CLVS1: variants seen among roughly 807,000 people sequenced by gnomAD.
CLVS1 encodes clavesin 1.
In CLVS1, 10 loss-of-function variants were observed where a neutral mutation model predicts 33.1. The ratio of observed to expected loss-of-function variants is 0.30; its 90% CI spans 0.19 to 0.51. The LOEUF is 0.51. Among genes scored for constraint, CLVS1 ranks in the 20% least tolerant of loss-of-function variants. The pLI is 0.97. For missense variants in CLVS1, 343 were observed against 433.4 expected, an observed-to-expected ratio of 0.79 and a Z score of 1.85; for synonymous variants, 163 against 166.1, an observed-to-expected ratio of 0.98 and a Z score of 0.14.
At chr8:61,250,729 G>T (rs973481224) in intron 2 of CLVS1, among the ~76,000 whole-genome samples, 2 of 152,106 alleles carry the variant, frequency 1.3e-5, no homozygotes, top group African/African-American at 4.8e-5. Flanking sequence ...GTCTGTTATT[G>T]GTGTAAAGGA....
chr8:61,484,081 A>G (rs1586043149), intron 5 of CLVS1, among the ~76,000 whole-genome samples: 1 of 152,200 alleles, frequency 6.6e-6, no homozygotes, highest in African/African-American at 2.4e-5. Context: ...TACTGTTGGA[A>G]GTTCTGGCCA....
intron 2 of CLVS1, among the ~76,000 whole-genome samples, chr8:61,152,952 C>T (rs573846985): frequency 1.4e-4 from 22 of 152,092 alleles, no homozygotes; most frequent in African/African-American, 5.1e-4. Flanking sequence ...GGCGGATAAC[C>T]TGAGGAATTC....
intron 3 of CLVS1, among the ~76,000 whole-genome samples, chr8:61,400,872 G>A (rs1814721321): frequency 6.6e-6 from 1 of 152,122 alleles, no homozygotes. Flanking sequence ...CTTCCATCCA[G>A]GGATGAAGCC....
At chr8:61,020,241 A>G in the CLVS1 span, among the ~76,000 whole-genome samples, 3 of 152,234 alleles carry the variant, frequency 2.0e-5, no homozygotes, top group African/African-American at 7.2e-5. Flanking sequence ...GAGAAGGATT[A>G]TTGAATAGGC....
intron 2 of CLVS1, among the ~76,000 whole-genome samples, chr8:61,270,661 G>C (rs1241251601): frequency 2.0e-5 from 3 of 152,118 alleles, no homozygotes; most frequent in African/African-American, 7.2e-5. Flanking sequence ...TTTTTGGTTG[G>C]TAAGCTATGG....
intron 1 of CLVS1, among the ~76,000 whole-genome samples, chr8:61,298,094 C>T (rs752417454): frequency 1.5e-4 from 23 of 152,260 alleles, no homozygotes; most frequent in Non-Finnish European, 1.9e-4. Context: ...TGAATAGTTT[C>T]AGCAGCATGT....
At position 61,238,451 on chromosome 8, in the gene CLVS1, G is replaced by A. The variant is rs182165335; in HGVS notation, c.-151-61226G>A. On this transcript the variant is annotated intron_variant, in intron 2 of 2. Transcript: ENST00000522621. ...CCCACAAAGAGATAAGTTATTAGAA[G>A]GCTGTGGTGCGACTCCTGAAGCAAA... is the stretch of plus-strand genomic sequence containing the variant. Among the ~76,000 whole-genome samples the A allele has an allele frequency of 7.6e-3, 1,158 of 152,172 alleles. 16 individuals are homozygous for A. Among genetic ancestry groups the A allele is most frequent in the African/African-American group, 0.026 (1,084 of 41,494 alleles).
intron 1 of CLVS1, among the ~76,000 whole-genome samples, chr8:61,097,443 C>G (rs1032845781): frequency 3.9e-5 from 6 of 152,126 alleles, no homozygotes; most frequent in Non-Finnish European, 5.9e-5. Context: ...TTTTTGCCCT[C>G]AGAAACTAGC....
intron 2 of CLVS1, among the ~76,000 whole-genome samples, chr8:61,339,762 A>G (rs1811947628): frequency 6.8e-6 from 1 of 148,126 alleles, no homozygotes; most frequent in Non-Finnish European, 1.5e-5. Flanking sequence ...AGGGAGGGAG[A>G]AAGAGAGGGA....
chr8:61,294,458 G>A (rs1283378071), intron 1 of CLVS1, among the ~76,000 whole-genome samples: 3 of 152,072 alleles, frequency 2.0e-5, no homozygotes, highest in Admixed American at 6.6e-5. Flanking sequence ...TATGTACCCC[G>A]AATATTTACC....
chr8:61,081,730 A>G (rs1805022581), intron 1 of CLVS1, among the ~76,000 whole-genome samples: 1 of 152,228 alleles, frequency 6.6e-6, no homozygotes, highest in African/African-American at 2.4e-5. Flanking sequence ...ACTGAAAATC[A>G]ACAACTCTTT....
At chr8:61,444,550 T>C (rs747133792) in intron 3 of CLVS1, among the ~76,000 whole-genome samples, 3 of 152,220 alleles carry the variant, frequency 2.0e-5, no homozygotes, top group Non-Finnish European at 4.4e-5. Context: ...ACCAGGAATT[T>C]GTTTTAATCA....
chr8:61,317,593 A>G (rs769581174), intron 2 of CLVS1, among the ~76,000 whole-genome samples: 2 of 152,136 alleles, frequency 1.3e-5, no homozygotes, highest in Non-Finnish European at 2.9e-5. Context: ...CTATGAGAGC[A>G]CCCATTTCTC....
chr8:61,111,426 G>A (rs943559496), intron 1 of CLVS1, among the ~76,000 whole-genome samples: 12 of 152,134 alleles, frequency 7.9e-5, no homozygotes, highest in African/African-American at 2.7e-4. Flanking sequence ...GGTACAGGCT[G>A]ACATGCTAAA....
intron 2 of CLVS1, among the ~76,000 whole-genome samples, chr8:61,351,767 G>A (rs920311006): frequency 1.4e-4 from 21 of 152,010 alleles, no homozygotes; most frequent in Non-Finnish European, 2.1e-4. Flanking sequence ...GAAGCAGAAG[G>A]AGGAGGTACA....
At chr8:61,401,621 G>A (rs1460596940) in intron 3 of CLVS1, among the ~76,000 whole-genome samples, 1 of 152,132 alleles carries the variant, frequency 6.6e-6, no homozygotes, top group Non-Finnish European at 1.5e-5. Flanking sequence ...TTGTGAAGAT[G>A]GCCATACTGC....
chr8:61,089,173 G>C (rs369422933), intron 1 of CLVS1, among the ~76,000 whole-genome samples: 2 of 152,094 alleles, frequency 1.3e-5, no homozygotes, highest in Non-Finnish European at 2.9e-5. Flanking sequence ...TTGCATTTTT[G>C]TAATGGCTAA....
chr8:61,282,540 C>T (rs1356569288), intron 2 of CLVS1, among the ~76,000 whole-genome samples: 1 of 152,122 alleles, frequency 6.6e-6, no homozygotes, highest in African/African-American at 2.4e-5. Flanking sequence ...GATTACAATC[C>T]CAGCTGCCCA....
At chr8:61,482,839 C>G (rs1046617109) in intron 5 of CLVS1, among the ~76,000 whole-genome samples, 2 of 152,324 alleles carry the variant, frequency 1.3e-5, no homozygotes, top group Non-Finnish European at 1.5e-5. Flanking sequence ...TCCTAAATGA[C>G]TACTGGGTAT....
Sources: gnomAD v4.1 joint callset for allele counts (sites outside exome capture counted in the v4.1 genomes callset) on GRCh38, gnomAD v4.1.1 for gene constraint, MANE v1.5 for transcripts, NCBI Gene and HGNC (gene_info 2026-07-23, HGNC 2026-07-21) for gene names.